The following CIMAP2 variants were observed in gnomAD, a reference collection of about 807,000 sequenced individuals.
CIMAP2 encodes ciliary microtubule-associated protein 2.
At chr1:54,811,772 T>TCCC in the CIMAP2 span, 6 of 454,860 alleles carry the variant, frequency 1.3e-5, no homozygotes, top group Non-Finnish European at 2.2e-5. Flanking sequence ...ACAGCCTCCA[T>TCCC]GCCCCCACCC....
the CIMAP2 span, among the ~76,000 whole-genome samples, chr1:54,808,618 A>AGGGGG: frequency 7.3e-5 from 6 of 82,194 alleles, no homozygotes; most frequent in East Asian, 3.9e-4. Flanking sequence ...CTGCCGGGGG[A>AGGGGG]GGGCAGTGGA....
the CIMAP2 span, among the ~76,000 whole-genome samples, chr1:54,840,879 A>AT: frequency 2.6e-5 from 4 of 152,166 alleles, no homozygotes; most frequent in Non-Finnish European, 4.4e-5. Flanking sequence ...TTTTGCAAAT[A>AT]TTTTTTCCCA....
At chr1:54,817,249 C>A in the CIMAP2 span, 1 of 1,284,864 alleles carries the variant, frequency 7.8e-7, no homozygotes, top group Non-Finnish European at 1.1e-6. Flanking sequence ...GCCAGCCAAA[C>A]AGCAGAGGCA....
At chr1:54,826,548 G>T in the CIMAP2 span, among the ~76,000 whole-genome samples, 5 of 152,160 alleles carry the variant, frequency 3.3e-5, no homozygotes, top group African/African-American at 9.7e-5. Context: ...CAGCTGCTTG[G>T]GTATCAGGGG....
chr1:54,840,286 C>T, the CIMAP2 span, among the ~76,000 whole-genome samples: 1 of 152,172 alleles, frequency 6.6e-6, no homozygotes, highest in South Asian at 2.1e-4. Context: ...TCTTGAGATT[C>T]AGCCATGCTG....
chr1:54,836,428 G>C, the CIMAP2 span, among the ~76,000 whole-genome samples: 2 of 151,986 alleles, frequency 1.3e-5, no homozygotes, highest in South Asian at 2.1e-4. Flanking sequence ...CAGGGAAGGA[G>C]GGGGAGATTC....
chr1:54,825,588 C>T, the CIMAP2 span, among the ~76,000 whole-genome samples: 2 of 152,004 alleles, frequency 1.3e-5, no homozygotes, highest in Non-Finnish European at 2.9e-5. Flanking sequence ...AGTGGTGGCA[C>T]AGTGGGCTGG....
At chr1:54,838,023 A>C in the CIMAP2 span, among the ~76,000 whole-genome samples, 2 of 151,994 alleles carry the variant, frequency 1.3e-5, no homozygotes, top group Non-Finnish European at 2.9e-5. Context: ...AGTTCAGAGG[A>C]GGCAAATATT....
the CIMAP2 span, chr1:54,807,117 A>G: frequency 3.2e-6 from 5 of 1,582,990 alleles, no homozygotes; most frequent in Non-Finnish European, 2.6e-6. Flanking sequence ...CTCCTCCCAC[A>G]GGGTCTGGCC....
chr1:54,841,790 T>C, the CIMAP2 span: 96 of 1,593,934 alleles, frequency 6.0e-5, no homozygotes, highest in Non-Finnish European at 8.1e-5. Context: ...ATTTTTTCTG[T>C]CTTTTTAAAG....
At chr1:54,812,420 A>T in the CIMAP2 span, among the ~76,000 whole-genome samples, 1 of 152,230 alleles carries the variant, frequency 6.6e-6, no homozygotes, top group South Asian at 2.1e-4. Context: ...GAACCCAAGG[A>T]CGTCTGTCTG....
At chr1:54,807,445 G>T in the CIMAP2 span, 1 of 1,419,382 alleles carries the variant, frequency 7.0e-7, no homozygotes, top group Non-Finnish European at 9.3e-7. Flanking sequence ...TCCGGGTCAG[G>T]GTGGTGGCTT....
the CIMAP2 span, among the ~76,000 whole-genome samples, chr1:54,818,046 T>C: frequency 6.6e-6 from 1 of 152,252 alleles, no homozygotes; most frequent in Non-Finnish European, 1.5e-5. Context: ...AGGCCTTTCA[T>C]AGCCTCCTAG....
the CIMAP2 span, among the ~76,000 whole-genome samples, chr1:54,818,199 C>A: frequency 6.6e-6 from 1 of 152,148 alleles, no homozygotes; most frequent in African/African-American, 2.4e-5. Flanking sequence ...TCTGTTTCAT[C>A]CTTTGTGCTG....
chr1:54,812,307 C>A, the CIMAP2 span: 3 of 1,393,984 alleles, frequency 2.2e-6, no homozygotes, highest in Non-Finnish European at 2.9e-6. Context: ...CTTTCCCACA[C>A]CCCCTCACTT....
At chr1:54,811,802 T>C in the CIMAP2 span, 2 of 870,128 alleles carry the variant, frequency 2.3e-6, no homozygotes, top group Non-Finnish European at 3.4e-6. Flanking sequence ...AGAACTACTA[T>C]CCAGGCCCTG....
chr1:54,807,055 C>T, the CIMAP2 span: 2 of 1,614,122 alleles, frequency 1.2e-6, no homozygotes, highest in Non-Finnish European at 1.7e-6. Flanking sequence ...ACTGAGGCCC[C>T]ATACTCCACG....
the CIMAP2 span, among the ~76,000 whole-genome samples, chr1:54,829,103 T>C: frequency 6.6e-6 from 1 of 152,374 alleles, no homozygotes; most frequent in South Asian, 2.1e-4. Context: ...TAACAGATTC[T>C]TTCATATTCT....
chr1:54,819,864 CCTCT>C, the CIMAP2 span, among the ~76,000 whole-genome samples: 5 of 93,610 alleles, frequency 5.3e-5, no homozygotes, highest in South Asian at 9.4e-4. Context: ...TTCCTTCCTT[CCTCT>C]CTTTCTTCCT....
Sources: allele counts gnomAD v4.1 joint callset (sites outside exome capture counted in the v4.1 genomes callset), GRCh38; gene constraint gnomAD v4.1.1; transcripts MANE v1.5; gene names NCBI Gene and HGNC (gene_info 2026-07-23, HGNC 2026-07-21).